Variants in XRN1 observed in about 807,000 individuals in gnomAD.
XRN1 encodes 5'-3' exoribonuclease 1.
Under a neutral mutation model 222.3 loss-of-function variants are expected in XRN1, and 67 were observed. The ratio of observed to expected loss-of-function variants is 0.30; its 90% CI spans 0.25 to 0.37. The LOEUF (loss-of-function observed/expected upper bound fraction) is 0.37. Ranked by LOEUF, XRN1 falls within the 10% of genes least tolerant of loss-of-function variation. XRN1 has a pLI of 1.00. For synonymous variants in XRN1, 643 were observed against 652.4 expected (o/e 0.99, Z 0.22); for missense variants, 1,707 against 2,000.2 (o/e 0.85, Z 2.80).
chr3:142,381,481 T>C (rs144743776), intron 22 of XRN1, among the ~76,000 whole-genome samples: 1 of 152,202 alleles, frequency 6.6e-6, no homozygotes, highest in Non-Finnish European at 1.5e-5. Context: ...CATTTAATTG[T>C]CATATCTCTT....
intron 22 of XRN1, 41 bp from the exon 23 acceptor site, chr3:142,380,221 CATTTT>C (rs774573347): frequency 1.3e-6 from 2 of 1,506,424 alleles, no homozygotes; most frequent in East Asian, 4.5e-5. Flanking sequence ...TCTTTCAGTA[CATTTT>C]ATTTTTTAAC....
rs2067133111 is a variant in XRN1, at chr3:142,376,001, C to T, written c.2832-57G>A. Reference sequence around the variant, plus strand: ...ACACACACACACACACACACACACACGAGTTTTAAAATGTCGTTCAAGGAA... The same window carrying T: ...ACACACACACACACACACACACACATGAGTTTTAAAATGTCGTTCAAGGAA... On this transcript the variant is annotated intron_variant, in intron 24 of 40. Coordinates refer to ENST00000392981, the MANE Select transcript of XRN1 (RefSeq NM_001282857.2). 4.7e-6 allele frequency: 7 copies of T among 1,488,728 alleles called. No individual in the cohort carries two copies. In the Admixed American group the frequency reaches 7.3e-5, roughly 15 times the overall value. 92.2% of individuals were successfully genotyped at this position (1,488,728 alleles called of 1,614,324 possible). A position where few individuals can be genotyped will look rare whatever the true frequency, so the allele number is the denominator to read the frequency against.
chr3:142,370,233 TA>T, intron 27 of XRN1, among the ~76,000 whole-genome samples: 1 of 152,280 alleles, frequency 6.6e-6, no homozygotes, highest in Non-Finnish European at 1.5e-5. Context: ...TTTATAAGTT[TA>T]TAATTAGTTA....
chr3:142,378,989 G>T (rs1354690965), intron 23 of XRN1, among the ~76,000 whole-genome samples: 2 of 152,090 alleles, frequency 1.3e-5, no homozygotes, highest in Non-Finnish European at 2.9e-5. Context: ...CTGAGGGAAG[G>T]CCAGGTGTTG....
chr3:142,370,473 G>T lies in XRN1; in HGVS notation c.3204+12C>A, dbSNP rs779511786. The T allele has an allele frequency of 3.2e-6, 5 of 1,586,598 alleles. No homozygotes were observed. In the South Asian group the frequency reaches 5.9e-5, roughly 19 times the overall value. On this transcript the variant is annotated intron_variant, in intron 27 of 40. Transcript: ENST00000392981. ...AATCTCATCAATAATCTTGGTTACTGAAAGTTAGTACCTTGCACTTTTCGA... is the reference window on the plus strand; with the variant it reads ...AATCTCATCAATAATCTTGGTTACTTAAAGTTAGTACCTTGCACTTTTCGA...
At chr3:142,318,996 C>T (rs1197341068) in intron 37 of XRN1, 93 bp from the exon 38 acceptor site, 3 of 1,097,698 alleles carry the variant, frequency 2.7e-6, no homozygotes, top group Non-Finnish European at 3.8e-6. Context: ...ATAATTTTAT[C>T]AAGAATTTAA....
chr3:142,432,115 TATAA>T (rs71629536), intron 2 of XRN1, among the ~76,000 whole-genome samples: 20,798 of 121,052 alleles, frequency 0.17, 1,942 homozygotes, highest in Middle Eastern at 0.26. Flanking sequence ...TATATAAATA[TATAA>T]ATATATTTTC....
intron 15 of XRN1, among the ~76,000 whole-genome samples, chr3:142,411,353 C>CT (rs2068571600): frequency 6.6e-6 from 1 of 152,072 alleles, no homozygotes; most frequent in Admixed American, 6.6e-5. Context: ...ATTTCTGCTT[C>CT]TTTTTATTTC....
chr3:142,362,250 G>A (rs1027768587), intron 29 of XRN1, among the ~76,000 whole-genome samples: 2 of 152,004 alleles, frequency 1.3e-5, no homozygotes, highest in African/African-American at 4.8e-5. Context: ...TGATTCTTCC[G>A]CCTCAGCCTC....
intron 1 of XRN1, among the ~76,000 whole-genome samples, chr3:142,437,322 C>T (rs973350119): frequency 2.6e-5 from 4 of 152,202 alleles, no homozygotes; most frequent in African/African-American, 9.6e-5. Flanking sequence ...TTTCCACTGT[C>T]TTAGGTAATC....
rs758699895 is a variant in XRN1 at position 142,356,945 on chromosome 3, G to T, written c.3639C>A (p.Asn1213Lys). ...SVSSGHLGAL[N>K]HSPQSLFVPT... ...GAACAAAAAGTGATTGAGGGGAATGGTTGAGGGCTCCCAAATGCCCAGAGG... is the reference window on the plus strand; with the variant it reads ...GAACAAAAAGTGATTGAGGGGAATGTTTGAGGGCTCCCAAATGCCCAGAGG... The change falls in exon 31 of 41, where the codon AAC becomes AAA. Residue 1213 changes from asparagine to lysine, a missense_variant. Around this residue, in one of 2 missense-constraint regions of XRN1, gnomAD observed 1,234 missense variants for 1,518.2 expected, o/e 0.81. Coordinates refer to ENST00000392981, the MANE Select transcript of XRN1 (RefSeq NM_001282857.2). The T allele has an allele frequency of 6.8e-6, 11 of 1,614,114 alleles. No individual in the cohort carries two copies. The highest frequency in any genetic ancestry group is 3.3e-4 in the Middle Eastern group (2 of 6,060).
intron 19 of XRN1, among the ~76,000 whole-genome samples, chr3:142,399,409 G>A (rs545872720): frequency 2.0e-5 from 3 of 152,004 alleles, no homozygotes; most frequent in African/African-American, 7.2e-5. Flanking sequence ...CATGAAAGTA[G>A]ATCTGCCCCT....
chr3:142,418,436 A>G (rs762494711), intron 12 of XRN1, 68 bp downstream of exon 12: 2 of 1,292,886 alleles, frequency 1.5e-6, no homozygotes, highest in South Asian at 1.4e-5. Flanking sequence ...CATCAAAATC[A>G]TATTTTCTGA....
chr3:142,347,351 T>C lies in XRN1; in HGVS notation c.3769-9A>G. On this transcript the variant is annotated splice_polypyrimidine_tract_variant and intron_variant, in intron 32 of 40. Coordinates refer to ENST00000392981, the MANE Select transcript of XRN1 (RefSeq NM_001282857.2). ...TGAGGTAGAACTGCACCCTGAAAAT[T>C]AAAATTCTTATAAATTAAACAAAAT... 1 of 1,518,452 alleles carries C rather than the reference T, an allele frequency of 6.6e-7. No individual in the cohort carries two copies. The highest frequency in any genetic ancestry group is 1.4e-5 in the African/African-American group (1 of 71,534). The allele number at this position is 1,518,452 out of a possible 1,614,324, so 94.1% of individuals were successfully genotyped here.
At chr3:142,432,557 A>AG (rs1448983787) in intron 2 of XRN1, 104 bp downstream of exon 2, 3 of 1,122,670 alleles carry the variant, frequency 2.7e-6, no homozygotes, top group Admixed American at 3.0e-5. Flanking sequence ...GAGTTTACGC[A>AG]GAAAATAAAC....
Position 142,329,431 on chromosome 3 carries a change from T to C in XRN1, c.4404+3A>G. On this transcript the variant is annotated splice_donor_region_variant and intron_variant, in intron 37 of 40. Coordinates refer to ENST00000392981, the MANE Select transcript of XRN1 (RefSeq NM_001282857.2). ...ATATAAATAGAACAGTAGTATACTA[T>C]ACCTGTGGCATCCTAAGAAAGGAGA... The C allele has an allele frequency of 1.3e-6, 2 of 1,558,610 alleles. No individual in the cohort carries two copies. Among genetic ancestry groups the C allele is most frequent in the Non-Finnish European group, 8.6e-7 (1 of 1,158,224 alleles).
chr3:142,329,467 T>C lies in XRN1; in HGVS notation c.4371A>G (p.Pro1457=). The C allele has an allele frequency of 6.3e-7, 1 of 1,592,284 alleles. No individual in the cohort carries two copies. Residue 1457 remains proline, a synonymous_variant, in exon 37 of 41, where the codon CCA becomes CCG. Transcript: ENST00000392981. ...TCCTAAGAAAGGAGAAATCAGGTTGTGGCATTCCAACAAGGGAACAAATTC... is the reference window on the plus strand; with the variant it reads ...TCCTAAGAAAGGAGAAATCAGGTTGCGGCATTCCAACAAGGGAACAAATTC... The part of the protein sequence containing the change: ...LSRICSLVGM[P]QPDFSFLRMP...
chr3:142,407,181 C>T (rs920568421), intron 15 of XRN1, among the ~76,000 whole-genome samples: 10 of 152,108 alleles, frequency 6.6e-5, no homozygotes, highest in Non-Finnish European at 1.2e-4. Flanking sequence ...CAATAATGCC[C>T]GAACAGTGAT....
chr3:142,370,649 T>C, intron 26 of XRN1, 29 bp from the exon 27 acceptor site: 3 of 1,545,622 alleles, frequency 1.9e-6, no homozygotes, highest in Non-Finnish European at 2.6e-6. Flanking sequence ...TTTTTAAAAT[T>C]TGATTAAAAC....
Sources: allele counts gnomAD v4.1 joint callset (sites outside exome capture counted in the v4.1 genomes callset), GRCh38; gene constraint gnomAD v4.1.1; regional missense constraint gnomAD v4.1.1; transcripts MANE v1.5; gene names NCBI Gene and HGNC (gene_info 2026-07-23, HGNC 2026-07-21).